The following AUH variants were observed in gnomAD, a reference collection of about 807,000 sequenced individuals.
AUH encodes methylglutaconyl-CoA hydratase, mitochondrial.
In AUH, 29 loss-of-function variants were observed where a neutral mutation model predicts 42.3. The observed-to-expected ratio is 0.69, with a 90% CI of 0.51 to 0.93. The LOEUF is 0.93. AUH is among the 40% of genes least tolerant of loss of function. AUH has a pLI of 0.00. For synonymous variants in AUH, 174 were observed against 166.4 expected (o/e 1.05, Z -0.35); for missense variants, 452 against 438.1 (o/e 1.03, Z -0.28).
At chr9:91,327,154 A>C (rs1374141764) in intron 3 of AUH, among the ~76,000 whole-genome samples, 1 of 152,178 alleles carries the variant, frequency 6.6e-6, no homozygotes, top group Non-Finnish European at 1.5e-5. Context: ...AAAGCTATCC[A>C]TCCAGGACTT....
chr9:91,318,066 G>A (rs1017315138), intron 4 of AUH, among the ~76,000 whole-genome samples: 2 of 152,112 alleles, frequency 1.3e-5, no homozygotes, highest in Non-Finnish European at 2.9e-5. Context: ...CTCGGATTTA[G>A]GTATAAAGAT....
intron 4 of AUH, among the ~76,000 whole-genome samples, chr9:91,315,228 C>T (rs1045967734): frequency 1.3e-5 from 2 of 152,184 alleles, no homozygotes; most frequent in African/African-American, 4.8e-5. Flanking sequence ...CATGAGCCAC[C>T]GCGCCCAGCC....
intron 3 of AUH, among the ~76,000 whole-genome samples, chr9:91,350,912 T>C (rs1831920726): frequency 1.3e-5 from 2 of 152,188 alleles, no homozygotes; most frequent in South Asian, 2.1e-4. Context: ...AATTTGTTAA[T>C]ATAACGAAGT....
chr9:91,254,299 TC>T lies in AUH; in HGVS notation c.656-33308del, dbSNP rs904265959. ...TATGGGAGGAAGCTGCGGAAAGTCT[TC>T]CCTGAGCAGGGGCACTGGGAACAAG... On this transcript the variant is annotated intron_variant, in intron 6 of 9. Coordinates refer to ENST00000375731, the MANE Select transcript of AUH (RefSeq NM_001698.3). Among the ~76,000 whole-genome samples the T allele has an allele frequency of 9.9e-5, 15 of 152,248 alleles. No homozygotes were observed. In the East Asian group the frequency reaches 1.9e-3, roughly 20 times the overall value.
At chr9:91,221,466 C>G (rs1827133133) in intron 6 of AUH, among the ~76,000 whole-genome samples, 1 of 152,212 alleles carries the variant, frequency 6.6e-6, no homozygotes, top group South Asian at 2.1e-4. Flanking sequence ...ATTGTAAACA[C>G]ATTTTAATCT....
chr9:91,349,456 C>A (rs1485109086), intron 3 of AUH, among the ~76,000 whole-genome samples: 1 of 152,206 alleles, frequency 6.6e-6, no homozygotes, highest in Admixed American at 6.5e-5. Context: ...AATGCATGTG[C>A]ACTTTGTTAC....
At chr9:91,339,066 T>C (rs988450165) in intron 3 of AUH, among the ~76,000 whole-genome samples, 1 of 151,402 alleles carries the variant, frequency 6.6e-6, no homozygotes, top group Non-Finnish European at 1.5e-5. Flanking sequence ...TAAGTAACTC[T>C]TCACACAATA....
At chr9:91,229,804 T>C (rs1464024521) in intron 6 of AUH, among the ~76,000 whole-genome samples, 1 of 149,814 alleles carries the variant, frequency 6.7e-6, no homozygotes, top group Admixed American at 6.6e-5. Context: ...TTATTTCTCC[T>C]TCACTTATGA....
intron 6 of AUH, among the ~76,000 whole-genome samples, chr9:91,290,330 T>A (rs1398054048): frequency 1.3e-5 from 2 of 151,996 alleles, no homozygotes; most frequent in African/African-American, 4.8e-5. Context: ...GGTGGGAAGA[T>A]CTCGAACCCA....
chr9:91,304,212 T>C (rs1223619110), intron 4 of AUH, among the ~76,000 whole-genome samples: 1 of 152,182 alleles, frequency 6.6e-6, no homozygotes, highest in Non-Finnish European at 1.5e-5. Flanking sequence ...CAAGAACAAA[T>C]TGCTGGAAGC....
intron 3 of AUH, among the ~76,000 whole-genome samples, chr9:91,350,273 C>T (rs1831863318): frequency 6.6e-6 from 1 of 152,220 alleles, no homozygotes; most frequent in African/African-American, 2.4e-5. Context: ...TTTAAAGAGA[C>T]ACCTCATATT....
At chr9:91,258,454 C>G (rs1053814070) in intron 6 of AUH, among the ~76,000 whole-genome samples, 3 of 152,132 alleles carry the variant, frequency 2.0e-5, no homozygotes, top group Non-Finnish European at 4.4e-5. Flanking sequence ...AGGCTGGTCT[C>G]AAACTCCTGA....
intron 6 of AUH, among the ~76,000 whole-genome samples, chr9:91,225,396 TAG>T (rs1476777278): frequency 6.6e-6 from 1 of 152,196 alleles, no homozygotes; most frequent in Non-Finnish European, 1.5e-5. Context: ...AATATTAACT[TAG>T]AGTTAGGGGT....
At chr9:91,288,043 C>A (rs1826554161) in intron 6 of AUH, among the ~76,000 whole-genome samples, 1 of 151,846 alleles carries the variant, frequency 6.6e-6, no homozygotes, top group African/African-American at 2.4e-5. Flanking sequence ...AATATGCCTC[C>A]CCCCAGAAGC....
intron 7 of AUH, chr9:91,218,929 A>G: frequency 1.0e-6 from 1 of 985,304 alleles, no homozygotes; most frequent in Non-Finnish European, 1.2e-6. Flanking sequence ...ACATCTTCTT[A>G]TACATCAACA....
intron 6 of AUH, among the ~76,000 whole-genome samples, chr9:91,249,292 C>CAAAAAAAAAAAAAAAA (rs59102669): frequency 4.9e-4 from 16 of 32,528 alleles, no homozygotes; most frequent in Non-Finnish European, 8.4e-4. Context: ...GAACCTGTCT[C>CAAAAAAAAAAAAAAAA]AAAAAAAAAA....
chr9:91,269,418 C>T (rs2131497883), intron 6 of AUH, among the ~76,000 whole-genome samples: 1 of 152,336 alleles, frequency 6.6e-6, no homozygotes, highest in South Asian at 2.1e-4. Context: ...TAGTCTAATA[C>T]AAAAACTATG....
intron 3 of AUH, among the ~76,000 whole-genome samples, chr9:91,341,492 T>G (rs1163134771): frequency 1.3e-5 from 2 of 152,372 alleles, no homozygotes; most frequent in Admixed American, 1.3e-4. Flanking sequence ...ACTGGTACCC[T>G]AGATACAACC....
rs62565786 is a variant in AUH, at chr9:91,257,276, C to A, written c.656-36284G>T. 6.2e-3 allele frequency among the ~76,000 whole-genome samples: 943 copies of A among 152,160 alleles called. 5 individuals are homozygous for A. Among genetic ancestry groups the A allele is most frequent in the Non-Finnish European group, 9.9e-3 (675 of 67,986 alleles). Reference sequence around the variant, plus strand: ...TCTCTGCCACAGAGACTACTAGAGACTCTGCCACAGAGACTACTGGGCACT... The same window carrying A: ...TCTCTGCCACAGAGACTACTAGAGAATCTGCCACAGAGACTACTGGGCACT... On this transcript the variant is annotated intron_variant, in intron 6 of 9. Coordinates refer to ENST00000375731, the MANE Select transcript of AUH (RefSeq NM_001698.3).
Sources: gnomAD v4.1 joint callset for allele counts (sites outside exome capture counted in the v4.1 genomes callset) on GRCh38, gnomAD v4.1.1 for gene constraint, MANE v1.5 for transcripts, NCBI Gene and HGNC (gene_info 2026-07-23, HGNC 2026-07-21) for gene names.